The following LARGE2 variants were observed in gnomAD, a reference collection of about 807,000 sequenced individuals.
The protein encoded by LARGE2 is xylosyl- and glucuronyltransferase LARGE2.
A neutral mutation model predicts 75.3 loss-of-function variants in LARGE2; 63 were observed. That is an observed-to-expected ratio of 0.84 (90% confidence interval 0.68 to 1.03). LARGE2 has a LOEUF of 1.03. Ranked by LOEUF, LARGE2 falls within the 50% of genes least tolerant of loss-of-function variation. LARGE2 has a pLI of 0.00. For synonymous variants in LARGE2, 428 were observed against 420.1 expected, an observed-to-expected ratio of 1.02 and a Z score of -0.23; for missense variants, 925 against 980.6, an observed-to-expected ratio of 0.94 and a Z score of 0.76.
chr11:45,923,259 G>C (rs1439678095), intron 2 of LARGE2, 92 bp downstream of exon 2: 1 of 1,290,108 alleles, frequency 7.8e-7, no homozygotes, highest in Non-Finnish European at 1.0e-6. Flanking sequence ...AGTACCTGGC[G>C]TCTGTCCAGC....
Position 45,924,573 on chromosome 11 carries a change from C to A in LARGE2, c.560C>A (p.Pro187His). 1 of 1,614,024 alleles carries A rather than the reference C, an allele frequency of 6.2e-7. No homozygotes were observed. The highest frequency in any genetic ancestry group is 1.3e-5 in the African/African-American group (1 of 75,066). Residue 187 changes from proline (P) to histidine (H), a missense_variant, in exon 5 of 14, where the codon CCC becomes CAC. By Grantham distance (77) the Pro-to-His change is moderately conservative (BLOSUM62 -2). Coordinates refer to ENST00000401752, the MANE Select transcript of LARGE2 (RefSeq NM_001300721.2). Reference protein sequence around the residue: ...GLYGLMKLVLPSALPAELARV... With the variant: ...GLYGLMKLVLHSALPAELARV... ...TATGGGCTAATGAAGCTGGTGCTGC[C>A]CAGTGCCTTGCCTGCTGAGCTGGCC... is the stretch of plus-strand genomic sequence containing the variant.
At position 45,922,999 on chromosome 11, in the gene LARGE2, C is replaced by G; in HGVS notation, c.117C>G (p.Gly39=). ...TGGGGTGTGAGCGCCGCGAGCCTGG[C>G]GGGCGAGCGGGGGCCCCGGGATGCT... ...GDLGCERREP[G]GRAGAPGCFP... Residue 39 remains glycine, a synonymous_variant, in exon 2 of 14, where the codon GGC becomes GGG. Transcript: ENST00000401752. 7.5e-7 allele frequency: 1 copy of G among 1,331,108 alleles called. No individual in the cohort carries two copies. Among genetic ancestry groups the G allele is most frequent in the Non-Finnish European group, 9.6e-7 (1 of 1,044,828 alleles). The allele number at this position is 1,331,108 out of a possible 1,614,324, so 82.5% of individuals were successfully genotyped here. A position where few individuals can be genotyped will look rare whatever the true frequency, so the allele number is the denominator to read the frequency against.
chr11:45,927,224 G>GGCA (rs1362708798), intron 10 of LARGE2, 91 bp from the exon 11 acceptor site: 10 of 1,412,776 alleles, frequency 7.1e-6, no homozygotes, highest in African/African-American at 4.3e-5. Context: ...TTGAGGAGGT[G>GGCA]GCAGCAGCAG....
At position 45,926,170 on chromosome 11, in the gene LARGE2, G is replaced by A. The variant is rs781138042; in HGVS notation, c.882+19G>A. ...TGACCAGGTCTGAGGAAGCCTTGCC[G>A]GGTGGGGTGTGGCAGGCTGGGGGCT... On this transcript the variant is annotated intron_variant, in intron 7 of 13. Coordinates refer to ENST00000401752, the MANE Select transcript of LARGE2 (RefSeq NM_001300721.2). 2.6e-5 allele frequency: 42 copies of A among 1,605,756 alleles called. No individual in the cohort carries two copies. The East Asian group carries it at 6.8e-4, about 26-fold the overall frequency.
At chr11:45,925,520 G>A (rs1250056832) in intron 6 of LARGE2, among the ~76,000 whole-genome samples, 1 of 152,082 alleles carries the variant, frequency 6.6e-6, no homozygotes, top group African/African-American at 2.4e-5. Flanking sequence ...GCCAGGGGTG[G>A]TATCACGTAC....
chr11:45,928,176 G>A lies in LARGE2; in HGVS notation c.1755-1G>A. The A allele has an allele frequency of 3.7e-6, 6 of 1,613,512 alleles. No individual in the cohort carries two copies. The highest frequency in any genetic ancestry group is 4.2e-6 in the Non-Finnish European group (5 of 1,179,998). On this transcript the variant is annotated splice_acceptor_variant, in intron 12 of 13. Transcript: ENST00000401752. LOFTEE classifies it high-confidence loss of function. The stretch of plus-strand genomic sequence containing the variant: ...GGCTCCCACCCGACCCTGCTGCACA[G>A]GTACCACGAGTGGCCCCGAGGCCAC...
chr11:45,926,419 C>T, intron 8 of LARGE2, 23 bp from the exon 9 acceptor site: 1 of 1,613,876 alleles, frequency 6.2e-7, no homozygotes, highest in Non-Finnish European at 8.5e-7. Flanking sequence ...CTCCCATGGC[C>T]CCAACACCCT....
In LARGE2 at chr11:45,924,086, CG is replaced by C. The variant is rs147181685; in HGVS notation, c.369-64del. ...ATGGCGCTTCCATCTCTGCGCCCCT[CG>C]GGGTGGGGGCTGTCCCATGTTGCTC... is the stretch of plus-strand genomic sequence containing the variant. On this transcript the variant is annotated intron_variant, in intron 3 of 13. Transcript: ENST00000401752. The C allele has an allele frequency of 5.0e-4, 788 of 1,564,324 alleles. 7 individuals carry two copies. In the African/African-American group the frequency reaches 0.01, roughly 20 times the overall value.
chr11:45,927,523 G>T lies in LARGE2; in HGVS notation c.1534G>T (p.Ala512Ser). 2 of 1,614,176 alleles carry T rather than the reference G, an allele frequency of 1.2e-6. No individual in the cohort carries two copies. Among genetic ancestry groups the T allele is most frequent in the Non-Finnish European group, 1.7e-6 (2 of 1,180,042 alleles). The stretch of plus-strand genomic sequence containing the variant: ...GCTTCGCAACGTGGCCTTGGCCCAG[G>T]CCCTCACGCCTTACGTCTTCCTCAG... ...NQLRNVALAQ[A>S]LTPYVFLSDI... Residue 512 changes from alanine (A) to serine (S), a missense_variant, in exon 11 of 14, where the codon GCC becomes TCC. Transcript: ENST00000401752.
Position 45,924,133 on chromosome 11 carries a change from T to C in LARGE2, c.369-21T>C, listed in dbSNP as rs766013433. The C allele has an allele frequency of 1.9e-6, 3 of 1,606,544 alleles. No individual in the cohort carries two copies. The East Asian group carries it at 6.7e-5, about 36-fold the overall frequency. ...TGCTCCTGCTGGGGCCTCTCAGGCT[T>C]CCTCTTTGCCCACCCAAAAGGAAAA... On this transcript the variant is annotated intron_variant, in intron 3 of 13. Transcript: ENST00000401752.
Position 45,926,215 on chromosome 11 carries a change from T to C in LARGE2, c.883-7T>C, listed in dbSNP as rs2087136254. On this transcript the variant is annotated splice_region_variant and splice_polypyrimidine_tract_variant and intron_variant, in intron 7 of 13. Transcript: ENST00000401752. ...GGGGCTGGGATGTGATGGGTGTCTCTGCTCAGGACATCTTCAACGCTGTGA... is the reference window on the plus strand; with the variant it reads ...GGGGCTGGGATGTGATGGGTGTCTCCGCTCAGGACATCTTCAACGCTGTGA... 1 of 1,613,784 alleles carries C rather than the reference T, an allele frequency of 6.2e-7. No individual in the cohort carries two copies. The highest frequency in any genetic ancestry group is 8.5e-7 in the Non-Finnish European group (1 of 1,179,876).
chr11:45,928,621 A>C lies in LARGE2; in HGVS notation c.1951-9A>C, dbSNP rs1590827583. ...CAGGCAGCCACTGCTCCTCTGCCCC[A>C]CCCTGCAGGAATATGAGCTCCTGGT... is the stretch of plus-strand genomic sequence containing the variant. On this transcript the variant is annotated splice_polypyrimidine_tract_variant and intron_variant, in intron 13 of 13. Transcript: ENST00000401752. The C allele has an allele frequency of 6.2e-7, 1 of 1,610,858 alleles. No individual in the cohort carries two copies. The highest frequency in any genetic ancestry group is 1.7e-5 in the Admixed American group (1 of 59,926).
rs1465314495 is a variant in LARGE2, at chr11:45,922,972, C to T, written c.90C>T (p.Asp30=). 3.0e-6 allele frequency: 4 copies of T among 1,332,728 alleles called. No individual in the cohort carries two copies. 82.6% of individuals were successfully genotyped at this position (1,332,728 alleles called of 1,614,324 possible). The change falls in exon 2 of 14, where the codon GAC becomes GAT. Residue 30 remains aspartate (D), a synonymous_variant. Coordinates refer to ENST00000401752, the MANE Select transcript of LARGE2 (RefSeq NM_001300721.2). ...LLLGFLLFGG[D]LGCERREPGG... ...TCGGATTCCTCCTGTTCGGTGGGGA[C>T]CTGGGGTGTGAGCGCCGCGAGCCTG...
Position 45,923,181 on chromosome 11 carries a change from G to A in LARGE2, c.285+14G>A, listed in dbSNP as rs567678117. On this transcript the variant is annotated intron_variant, in intron 2 of 13. Coordinates refer to ENST00000401752, the MANE Select transcript of LARGE2 (RefSeq NM_001300721.2). ...CCCAAGTGCGAGGTAGGTGCGCGCG[G>A]CCCTGGCGGCGGGAGTCCTGGGGGC... is the stretch of plus-strand genomic sequence containing the variant. 126 of 1,327,414 alleles carry A rather than the reference G, an allele frequency of 9.5e-5. No homozygotes were observed. The highest frequency in any genetic ancestry group is 1.2e-4 in the Non-Finnish European group (124 of 1,047,292). The allele number at this position is 1,327,414 out of a possible 1,614,324, so 82.2% of individuals were successfully genotyped here. A position where few individuals can be genotyped will look rare whatever the true frequency, so the allele number is the denominator to read the frequency against.
rs575481241 is a variant in LARGE2 at position 45,928,220 on chromosome 11, C to G, written c.1798C>G (p.Arg600Gly). The change falls in exon 13 of 14, where the codon CGC becomes GGC. Residue 600 changes from arginine (R) to glycine (G), a missense_variant. Coordinates refer to ENST00000401752, the MANE Select transcript of LARGE2 (RefSeq NM_001300721.2). ...PRGHAPTDYA[R>G]WREAQAPYRV... ...AGGCCACGCACCCACAGACTATGCC[C>G]GCTGGCGGGAGGCTCAGGCCCCGTA... 6.2e-7 allele frequency: 1 copy of G among 1,613,940 alleles called. No individual in the cohort carries two copies.
rs775688198 is a variant in LARGE2 at position 45,926,818 on chromosome 11, G to A, written c.1272G>A (p.Pro424=). The A allele has an allele frequency of 2.5e-6, 4 of 1,613,292 alleles. No individual in the cohort carries two copies. Among genetic ancestry groups the A allele is most frequent in the East Asian group, 2.2e-5 (1 of 44,866 alleles). The part of the protein sequence containing the change: ...RVHVTFLPHE[P]PPPRPHDVTL... ...ATGTCACTTTCCTGCCCCATGAACCGCCACCCCCCCGGCCTCACGATGTCA... is the reference window on the plus strand; with the variant it reads ...ATGTCACTTTCCTGCCCCATGAACCACCACCCCCCCGGCCTCACGATGTCA... Residue 424 remains proline (P), a synonymous_variant, in exon 10 of 14, where the codon CCG becomes CCA. Coordinates refer to ENST00000401752, the MANE Select transcript of LARGE2 (RefSeq NM_001300721.2).
chr11:45,922,919 G>A lies in LARGE2; in HGVS notation c.37G>A (p.Ala13Thr). 4 of 1,280,488 alleles carry A rather than the reference G, an allele frequency of 3.1e-6. No individual in the cohort carries two copies. Among genetic ancestry groups the A allele is most frequent in the South Asian group, 2.7e-5 (1 of 37,046 alleles). 79.3% of individuals were successfully genotyped at this position (1,280,488 alleles called of 1,614,324 possible). ...AGGGCGCCCCCGGGCGCTGGGGGCCGCCGCGCTGTTGCTGCTGCTGCTGCT... is the reference window on the plus strand; with the variant it reads ...AGGGCGCCCCCGGGCGCTGGGGGCCACCGCGCTGTTGCTGCTGCTGCTGCT... The part of the protein sequence containing the change: ...PRGRPRALGA[A>T]ALLLLLLLLG... Residue 13 changes from alanine (A) to threonine (T), a missense_variant, in exon 2 of 14, where the codon GCC becomes ACC. Around this residue, in one of 3 missense-constraint regions of LARGE2, gnomAD observed 453 missense variants for 460.2 expected, o/e 0.98. Transcript: ENST00000401752.
chr11:45,924,917 C>T (rs189140907), intron 6 of LARGE2, 28 bp downstream of exon 6: 12 of 1,385,952 alleles, frequency 8.7e-6, no homozygotes, highest in Middle Eastern at 5.1e-4. Flanking sequence ...GGGAGGCAGG[C>T]GGGGTGGTCT....
chr11:45,924,786 C>A lies in LARGE2; in HGVS notation c.666C>A (p.Asp222Glu). 1 of 1,503,484 alleles carries A rather than the reference C, an allele frequency of 6.7e-7. No homozygotes were observed. Among genetic ancestry groups the A allele is most frequent in the South Asian group, 1.3e-5 (1 of 75,858 alleles). The allele number at this position is 1,503,484 out of a possible 1,614,324, so 93.1% of individuals were successfully genotyped here. A position where few individuals can be genotyped will look rare whatever the true frequency, so the allele number is the denominator to read the frequency against. ...CTCCCTTATGCCCTCCCCTCCCAGACACGCAGGCGATCGGTCTTGTGGAGA... is the reference window on the plus strand; with the variant it reads ...CTCCCTTATGCCCTCCCCTCCCAGAAACGCAGGCGATCGGTCTTGTGGAGA... ...ELWALFAHFS[D>E]TQAIGLVENQ... Residue 222 changes from aspartate (D) to glutamate (E), a missense_variant and splice_region_variant, in exon 6 of 14, where the codon GAC becomes GAA. Physicochemically the swap from Asp to Glu is conservative, Grantham distance 45 (BLOSUM62 2). Around this residue, in one of 3 missense-constraint regions of LARGE2, gnomAD observed 453 missense variants for 460.2 expected, o/e 0.98. Transcript: ENST00000401752.
Sources: allele counts gnomAD v4.1 joint callset (sites outside exome capture counted in the v4.1 genomes callset), GRCh38; gene constraint gnomAD v4.1.1; regional missense constraint gnomAD v4.1.1; transcripts MANE v1.5; gene names NCBI Gene and HGNC (gene_info 2026-07-23, HGNC 2026-07-21).